Variants in PCSK2 observed in about 807,000 individuals in gnomAD.
The protein encoded by PCSK2 is proprotein convertase subtilisin/kexin type 2, also known as neuroendocrine convertase 2.
PCSK2 carries 14 observed loss-of-function variants against 69.7 expected under a neutral mutation model. That is an observed-to-expected ratio of 0.20 (90% CI 0.13 to 0.31). The LOEUF is 0.31. Ranked by LOEUF, PCSK2 falls within the 10% of genes least tolerant of loss-of-function variation. The probability of loss-of-function intolerance (pLI) is 1.00; values close to 1 mark genes in which losing one functional copy is unlikely to be tolerated. For missense variants in PCSK2, 544 were observed against 842.5 expected (o/e 0.65, Z 4.39); for synonymous variants, 307 against 320.7 (o/e 0.96, Z 0.46).
intron 8 of PCSK2, among the ~76,000 whole-genome samples, chr20:17,449,141 C>T (rs1415753062): frequency 6.6e-6 from 1 of 152,164 alleles, no homozygotes; most frequent in Non-Finnish European, 1.5e-5. Context: ...GCTCCACTTC[C>T]CAGAGCACTG....
chr20:17,444,073 C>A (rs1426419364), intron 8 of PCSK2, among the ~76,000 whole-genome samples: 2 of 152,132 alleles, frequency 1.3e-5, no homozygotes, highest in Non-Finnish European at 2.9e-5. Flanking sequence ...TGTGCATTAG[C>A]GAAGGTTTTC....
At chr20:17,462,849 T>G (rs2033036160) in intron 10 of PCSK2, among the ~76,000 whole-genome samples, 1 of 152,232 alleles carries the variant, frequency 6.6e-6, no homozygotes, top group South Asian at 2.1e-4. Context: ...TCCATAAATT[T>G]ATTTTTTAAT....
At chr20:17,251,936 C>G (rs1986997677) in intron 1 of PCSK2, among the ~76,000 whole-genome samples, 3 of 152,206 alleles carry the variant, frequency 2.0e-5, no homozygotes, top group Admixed American at 6.5e-5. Flanking sequence ...AAGCTGCGCT[C>G]TTCCAGGATT....
chr20:17,378,590 CGG>C (rs2030995707), intron 5 of PCSK2, among the ~76,000 whole-genome samples: 5 of 136,192 alleles, frequency 3.7e-5, no homozygotes, highest in African/African-American at 1.4e-4. Flanking sequence ...GATGGATGGA[CGG>C]ATGGATGGAT....
At chr20:17,458,106 T>C (rs2032954766) in intron 10 of PCSK2, among the ~76,000 whole-genome samples, 1 of 152,136 alleles carries the variant, frequency 6.6e-6, no homozygotes, top group African/African-American at 2.4e-5. Context: ...AACTTAATAT[T>C]CTCTGCTGGC....
rs1197159181 is a variant in PCSK2, at chr20:17,229,949, A to G, written c.177+2467A>G. ...CAGGTATATAAGTAAATATGGGTTC[A>G]GTTGTTGTATTTCTACTTAAAAGGT... On this transcript the variant is annotated intron_variant, in intron 1 of 11. Transcript: ENST00000262545. Among the ~76,000 whole-genome samples, 6 of 152,192 alleles carry G rather than the reference A, an allele frequency of 3.9e-5. 1 individual carries two copies. Among genetic ancestry groups the G allele is most frequent in the Admixed American group, 3.9e-4 (6 of 15,284 alleles).
intron 8 of PCSK2, among the ~76,000 whole-genome samples, chr20:17,451,658 C>T (rs2032824384): frequency 6.6e-6 from 1 of 152,160 alleles, no homozygotes; most frequent in African/African-American, 2.4e-5. Flanking sequence ...AGGAAATAGA[C>T]CACTCTTCTT....
At chr20:17,370,982 G>C (rs1600528140) in intron 5 of PCSK2, among the ~76,000 whole-genome samples, 1 of 152,186 alleles carries the variant, frequency 6.6e-6, no homozygotes, top group East Asian at 1.9e-4. Context: ...ACCCTCTGCA[G>C]ACAGAGGCAT....
At chr20:17,234,474 C>T (rs574220650) in intron 1 of PCSK2, among the ~76,000 whole-genome samples, 4 of 152,280 alleles carry the variant, frequency 2.6e-5, no homozygotes, top group African/African-American at 9.6e-5. Context: ...CTATAGGCAG[C>T]CATTCAGCTA....
chr20:17,402,991 C>T (rs1184193956), intron 5 of PCSK2, among the ~76,000 whole-genome samples: 1 of 151,976 alleles, frequency 6.6e-6, no homozygotes, highest in African/African-American at 2.4e-5. Context: ...GAAAAGAAAA[C>T]ATAAAATGTC....
intron 1 of PCSK2, among the ~76,000 whole-genome samples, chr20:17,250,890 A>G (rs1173418210): frequency 6.6e-6 from 1 of 152,126 alleles, no homozygotes; most frequent in African/African-American, 2.4e-5. Context: ...ACTTGGGGTC[A>G]GGAGTTCAAG....
intron 8 of PCSK2, among the ~76,000 whole-genome samples, chr20:17,447,270 C>CAAAAA (rs386393432): frequency 1.5e-4 from 19 of 127,668 alleles, no homozygotes; most frequent in South Asian, 5.0e-4. Context: ...TACTCTGTCT[C>CAAAAA]AAAAAAAAAA....
chr20:17,457,245 G>A (rs1456138972), intron 10 of PCSK2, among the ~76,000 whole-genome samples: 1 of 152,202 alleles, frequency 6.6e-6, no homozygotes, highest in Non-Finnish European at 1.5e-5. Flanking sequence ...GCAGTTCCCA[G>A]CAACTTGTGA....
chr20:17,226,681 T>C (rs1305835911), upstream of PCSK2, among the ~76,000 whole-genome samples: 4 of 151,616 alleles, frequency 2.6e-5, no homozygotes, highest in Non-Finnish European at 5.9e-5. Flanking sequence ...CCACAAACAA[T>C]GACATCACTC....
intron 2 of PCSK2, among the ~76,000 whole-genome samples, chr20:17,309,869 G>A (rs527506483): frequency 6.6e-6 from 1 of 150,716 alleles, no homozygotes; most frequent in South Asian, 2.1e-4. Context: ...AAGGGGAAGG[G>A]GAAGGGGAAG....
intron 1 of PCSK2, among the ~76,000 whole-genome samples, chr20:17,249,613 C>T (rs73247974): frequency 0.018 from 2,680 of 151,638 alleles, 68 homozygotes; most frequent in East Asian, 0.12. Context: ...TGTCCATCAA[C>T]GGATGAATGG....
At chr20:17,422,276 CTG>C (rs2032149166) in intron 6 of PCSK2, among the ~76,000 whole-genome samples, 5 of 152,176 alleles carry the variant, frequency 3.3e-5, no homozygotes. Context: ...TTCTCTAAGT[CTG>C]ACAAGATGTG....
At chr20:17,323,379 C>T (rs1047992467) in intron 2 of PCSK2, among the ~76,000 whole-genome samples, 1 of 152,204 alleles carries the variant, frequency 6.6e-6, no homozygotes, top group African/African-American at 2.4e-5. Flanking sequence ...CATGCCAACA[C>T]CTTGATCTCG....
chr20:17,286,712 T>G (rs1039924729), intron 2 of PCSK2, among the ~76,000 whole-genome samples: 1 of 152,160 alleles, frequency 6.6e-6, no homozygotes, highest in African/African-American at 2.4e-5. Flanking sequence ...TTTGCAATGT[T>G]TGTAAAAGCC....
Sources: allele counts gnomAD v4.1 joint callset (sites outside exome capture counted in the v4.1 genomes callset), GRCh38; gene constraint gnomAD v4.1.1; transcripts MANE v1.5; gene names NCBI Gene and HGNC (gene_info 2026-07-23, HGNC 2026-07-21).